Variants in NTRK3 observed in about 807,000 individuals in gnomAD.
The protein encoded by NTRK3 is neurotrophic receptor tyrosine kinase 3.
In NTRK3, 24 loss-of-function variants were observed where a neutral mutation model predicts 91.7. The observed-to-expected ratio is 0.26, with a 90% CI of 0.19 to 0.37. The LOEUF (loss-of-function observed/expected upper bound fraction) is 0.37, where lower values mean the gene tolerates loss of function less well. NTRK3 is among the 10% of genes least tolerant of loss of function. The probability of loss-of-function intolerance (pLI) is 1.00; values close to 1 mark genes in which losing one functional copy is unlikely to be tolerated. For missense variants in NTRK3, 880 were observed against 1,068.9 expected (o/e 0.82, Z 2.46); for synonymous variants, 483 against 404.0 (o/e 1.20, Z -2.34).
chr15:88,187,275 C>A (rs2047017173), intron 3 of NTRK3, among the ~76,000 whole-genome samples: 1 of 152,144 alleles, frequency 6.6e-6, no homozygotes. Context: ...GGAGTTTATA[C>A]ACAGGTTCAA....
intron 17 of NTRK3, chr15:87,927,038 A>T (rs1008777058): frequency 2.6e-5 from 4 of 152,222 alleles, no homozygotes; most frequent in African/African-American, 9.7e-5. Flanking sequence ...ATGAATAAAA[A>T]ATATGGTCTA....
chr15:88,247,232 C>T (rs939326889), intron 3 of NTRK3, among the ~76,000 whole-genome samples: 1 of 152,130 alleles, frequency 6.6e-6, no homozygotes, highest in Admixed American at 6.5e-5. Context: ...TCTAAGAGCT[C>T]CTTTCCCCGC....
intron 3 of NTRK3, among the ~76,000 whole-genome samples, chr15:88,236,978 T>G (rs1380523334): frequency 6.6e-6 from 1 of 152,156 alleles, no homozygotes; most frequent in Non-Finnish European, 1.5e-5. Flanking sequence ...ACTCAGAGAA[T>G]GCACACTTAA....
At chr15:87,916,179 C>T (rs1369370046) in intron 17 of NTRK3, 4 of 250,500 alleles carry the variant, frequency 1.6e-5, no homozygotes, top group Non-Finnish European at 3.1e-5. Context: ...AATACAATTC[C>T]CTACCAGGAG....
At chr15:88,080,132 T>A (rs574481656) in intron 13 of NTRK3, among the ~76,000 whole-genome samples, 6 of 152,376 alleles carry the variant, frequency 3.9e-5, no homozygotes, top group Middle Eastern at 3.4e-3. Flanking sequence ...TCATTTCCAA[T>A]TTTCCATCAT....
chr15:88,151,438 G>A (rs1234597896), intron 5 of NTRK3, among the ~76,000 whole-genome samples: 1 of 152,086 alleles, frequency 6.6e-6, no homozygotes, highest in East Asian at 1.9e-4. Context: ...TAATGAACAG[G>A]GGTCCTCCCA....
chr15:88,119,476 TGTCAGAAAAGAGAGGG>T (rs2052466944), intron 13 of NTRK3, among the ~76,000 whole-genome samples: 1 of 152,144 alleles, frequency 6.6e-6, no homozygotes, highest in South Asian at 2.1e-4. Flanking sequence ...GTCTGTCAAA[TGTCAGAAAAGAGAGGG>T]AGGGCATGCA....
At position 88,166,586 on chromosome 15, in the gene NTRK3, G is replaced by T. The variant is rs139416007; in HGVS notation, c.395+16832C>A. 3.1e-3 allele frequency among the ~76,000 whole-genome samples: 465 copies of T among 152,326 alleles called. 3 individuals carry two copies. The highest frequency in any genetic ancestry group is 0.011 in the African/African-American group (452 of 41,576). On this transcript the variant is annotated intron_variant, in intron 5 of 18. Transcript: ENST00000394480. ...AACCCCCAGGGACGGAACCATGGAG[G>T]CTGGGAGTTGAGTAAGCAAAAATGG...
At chr15:87,959,580 T>C (rs949921492) in intron 14 of NTRK3, among the ~76,000 whole-genome samples, 2 of 152,200 alleles carry the variant, frequency 1.3e-5, no homozygotes, top group Non-Finnish European at 2.9e-5. Flanking sequence ...CATCTAAGCA[T>C]AGATTCTACC....
rs555677137 is a variant in NTRK3 at position 87,998,124 on chromosome 15, A to G, written c.1585+34733T>C. ...AGTATCCCTGGTCTCTCCTCACTGG[A>G]TGTGAATAGCATCCTCCACCCCATT... On this transcript the variant is annotated intron_variant, in intron 14 of 18. Transcript: ENST00000394480. 2.6e-4 allele frequency among the ~76,000 whole-genome samples: 39 copies of G among 152,290 alleles called. No homozygotes were observed. The South Asian group carries it at 8.1e-3, about 32-fold the overall frequency.
intron 3 of NTRK3, among the ~76,000 whole-genome samples, chr15:88,219,940 C>T (rs2050100458): frequency 6.6e-6 from 1 of 152,146 alleles, no homozygotes; most frequent in African/African-American, 2.4e-5. Flanking sequence ...GCATCCAAAC[C>T]CAGAAATGCC....
rs145831819 is a variant in NTRK3, at chr15:87,904,264, C to T, written c.2134-23836G>A. On this transcript the variant is annotated intron_variant, in intron 17 of 18. Transcript: ENST00000394480. Reference sequence around the variant, plus strand: ...TTCCGGGGTTCAAGTGCTTCTCCTGCCTCAGCCTCCCAAGTAGCTGGGATT... The same window carrying T: ...TTCCGGGGTTCAAGTGCTTCTCCTGTCTCAGCCTCCCAAGTAGCTGGGATT... 3.0e-4 allele frequency among the ~76,000 whole-genome samples: 46 copies of T among 152,024 alleles called. No individual in the cohort carries two copies. The East Asian group carries it at 8.5e-3, about 28-fold the overall frequency.
intron 5 of NTRK3, among the ~76,000 whole-genome samples, chr15:88,170,800 G>A (rs1469721921): frequency 1.3e-5 from 2 of 152,108 alleles, no homozygotes; most frequent in African/African-American, 4.8e-5. Context: ...AAAATGAACT[G>A]AACGACTCCC....
intron 3 of NTRK3, among the ~76,000 whole-genome samples, chr15:88,191,601 C>T (rs899236328): frequency 2.0e-5 from 3 of 152,250 alleles, no homozygotes; most frequent in Admixed American, 1.3e-4. Flanking sequence ...GGAGCACACA[C>T]ACGCATGAAT....
At chr15:87,870,462 A>G (rs2064799338) in exon 19 of NTRK3, 2 of 209,070 alleles carry the variant, frequency 9.6e-6, no homozygotes, top group Admixed American at 1.2e-4. Flanking sequence ...TGAGGGATAA[A>G]AGACTACAAA....
exon 19 of NTRK3, chr15:87,871,507 C>A: frequency 4.3e-6 from 1 of 230,498 alleles, no homozygotes; most frequent in East Asian, 6.2e-5. Flanking sequence ...TCTATACCAA[C>A]CCCCAAATAA....
exon 19 of NTRK3, chr15:87,867,188 G>A (rs1439317637): frequency 4.4e-6 from 1 of 225,256 alleles, no homozygotes; most frequent in African/African-American, 2.2e-5. Flanking sequence ...TGGTCCAGGG[G>A]GCTGGAAAGA....
intron 5 of NTRK3, among the ~76,000 whole-genome samples, chr15:88,177,113 G>C (rs2046072602): frequency 6.6e-6 from 1 of 152,174 alleles, no homozygotes; most frequent in Non-Finnish European, 1.5e-5. Context: ...GGCTTGTAAG[G>C]CTGCGGCAGA....
chr15:88,192,562 C>A (rs2047496994), intron 3 of NTRK3, among the ~76,000 whole-genome samples: 2 of 152,152 alleles, frequency 1.3e-5, no homozygotes, highest in Non-Finnish European at 2.9e-5. Context: ...TGCCTAAAAC[C>A]CTCCAATGGC....
Sources: gnomAD v4.1 joint callset for allele counts (sites outside exome capture counted in the v4.1 genomes callset) on GRCh38, gnomAD v4.1.1 for gene constraint, MANE v1.5 for transcripts, NCBI Gene and HGNC (gene_info 2026-07-23, HGNC 2026-07-21) for gene names.